Variants in NCKAP5 observed in about 807,000 individuals in gnomAD.
NCKAP5 encodes the protein nck-associated protein 5.
In NCKAP5, 92 loss-of-function variants were observed where a neutral mutation model predicts 167.0. The observed-to-expected ratio is 0.55, with a 90% CI of 0.47 to 0.66. The LOEUF is 0.66. NCKAP5 is among the 30% of genes least tolerant of loss of function. The pLI is 0.00. For synonymous variants in NCKAP5, 891 were observed against 877.4 expected, an observed-to-expected ratio of 1.02 and a Z score of -0.27; for missense variants, 2,378 against 2,315.0, an observed-to-expected ratio of 1.03 and a Z score of -0.56.
chr2:132,709,147 A>AC (rs1223855693), intron 19 of NCKAP5, among the ~76,000 whole-genome samples: 1 of 146,756 alleles, frequency 6.8e-6, no homozygotes. Flanking sequence ...TAATATCTAC[A>AC]CCCCCCCACC....
chr2:133,512,202 T>C (rs1006864418), intron 3 of NCKAP5, among the ~76,000 whole-genome samples: 1 of 152,232 alleles, frequency 6.6e-6, no homozygotes, highest in African/African-American at 2.4e-5. Flanking sequence ...GAACATACTC[T>C]ATGTCAATAT....
At chr2:132,792,210 T>A (rs1482179856) in intron 12 of NCKAP5, among the ~76,000 whole-genome samples, 2 of 152,232 alleles carry the variant, frequency 1.3e-5, no homozygotes, top group Non-Finnish European at 2.9e-5. Context: ...CTTTAAGTGA[T>A]CTAAAAATGC....
At chr2:132,691,803 C>T (rs1344821169) in intron 19 of NCKAP5, among the ~76,000 whole-genome samples, 1 of 152,152 alleles carries the variant, frequency 6.6e-6, no homozygotes, top group Non-Finnish European at 1.5e-5. Context: ...GACATTCCCA[C>T]CCTGCAATAA....
chr2:133,626,137 A>G, the NCKAP5 span, among the ~76,000 whole-genome samples: 6 of 152,324 alleles, frequency 3.9e-5, no homozygotes, highest in African/African-American at 1.2e-4. Context: ...GTTGGAAAGG[A>G]TAGAATTAGA....
intron 6 of NCKAP5, among the ~76,000 whole-genome samples, chr2:133,129,769 A>G (rs939676827): frequency 1.3e-5 from 2 of 152,244 alleles, no homozygotes; most frequent in Non-Finnish European, 2.9e-5. Flanking sequence ...ACCAGTTTCA[A>G]TAAAGCTCAT....
At chr2:133,388,538 G>A (rs1193053314) in intron 3 of NCKAP5, among the ~76,000 whole-genome samples, 4 of 152,184 alleles carry the variant, frequency 2.6e-5, no homozygotes, top group Non-Finnish European at 4.4e-5. Context: ...CCTCCATGCT[G>A]GGAGAACCAC....
the NCKAP5 span, among the ~76,000 whole-genome samples, chr2:133,656,275 A>ACAAAC: frequency 1.3e-4 from 17 of 132,824 alleles, no homozygotes; most frequent in Middle Eastern, 3.8e-3. Context: ...AAACAAACAA[A>ACAAAC]AAAAAAAAAA....
chr2:132,883,205 T>TACACAC (rs3044408), intron 8 of NCKAP5, among the ~76,000 whole-genome samples: 3,266 of 139,726 alleles, frequency 0.023, 86 homozygotes, highest in African/African-American at 0.065. Context: ...CTGACTCAAA[T>TACACAC]ACACACACAC....
chr2:132,749,961 A>G (rs1316614318), intron 16 of NCKAP5, among the ~76,000 whole-genome samples: 2 of 152,166 alleles, frequency 1.3e-5, no homozygotes, highest in African/African-American at 2.4e-5. Context: ...CCTCCCAACA[A>G]TCATGCTCCG....
chr2:132,753,876 C>T (rs560452182), intron 16 of NCKAP5, among the ~76,000 whole-genome samples: 127 of 152,270 alleles, frequency 8.3e-4, no homozygotes, highest in African/African-American at 2.9e-3. Flanking sequence ...CTGCCGGCAG[C>T]CATATCTCTT....
chr2:133,673,071 G>A, the NCKAP5 span, among the ~76,000 whole-genome samples: 2 of 152,128 alleles, frequency 1.3e-5, no homozygotes, highest in Non-Finnish European at 2.9e-5. Flanking sequence ...CCAAAATGAT[G>A]ATGACACCAT....
chr2:133,116,536 C>CAGAA (rs1477862800), intron 6 of NCKAP5, among the ~76,000 whole-genome samples: 1 of 145,644 alleles, frequency 6.9e-6, no homozygotes, highest in Non-Finnish European at 1.5e-5. Context: ...GTCAGTCATG[C>CAGAA]AGAACATACC....
intron 13 of NCKAP5, among the ~76,000 whole-genome samples, chr2:132,788,585 T>C (rs1317856748): frequency 2.0e-5 from 3 of 152,144 alleles, no homozygotes; most frequent in Admixed American, 6.5e-5. Context: ...AATAGGCGAC[T>C]GGGAGCATTA....
At chr2:133,371,493 A>G (rs1184220446) in intron 3 of NCKAP5, among the ~76,000 whole-genome samples, 1 of 152,160 alleles carries the variant, frequency 6.6e-6, no homozygotes, top group Non-Finnish European at 1.5e-5. Flanking sequence ...AGGGGCATGG[A>G]GAGTGTAATG....
chr2:133,441,816 C>T (rs1271300542), intron 3 of NCKAP5, among the ~76,000 whole-genome samples: 1 of 152,154 alleles, frequency 6.6e-6, no homozygotes, highest in South Asian at 2.1e-4. Flanking sequence ...TTAGGCATTT[C>T]CTAAGCGAAC....
At chr2:133,402,104 G>A (rs1177418955) in intron 3 of NCKAP5, among the ~76,000 whole-genome samples, 1 of 152,174 alleles carries the variant, frequency 6.6e-6, no homozygotes, top group African/African-American at 2.4e-5. Flanking sequence ...AGTGGTTTTA[G>A]TTAGGATTTA....
chr2:132,959,965 T>C (rs2076463090), intron 8 of NCKAP5, among the ~76,000 whole-genome samples: 1 of 152,154 alleles, frequency 6.6e-6, no homozygotes, highest in Non-Finnish European at 1.5e-5. Context: ...GACACCAATA[T>C]ACACCAAGTG....
intron 4 of NCKAP5, among the ~76,000 whole-genome samples, chr2:133,214,458 T>A (rs896673246): frequency 6.6e-6 from 1 of 152,234 alleles, no homozygotes; most frequent in African/African-American, 2.4e-5. Flanking sequence ...TTCTTCAGTG[T>A]GTAGGTAATA....
chr2:132,736,624 CAA>C (rs5834330), intron 16 of NCKAP5, among the ~76,000 whole-genome samples: 37 of 140,874 alleles, frequency 2.6e-4, no homozygotes, highest in East Asian at 1.0e-3. Context: ...ACTAAAAATA[CAA>C]AAAAAAAAAA....
Sources: gnomAD v4.1 joint callset for allele counts (sites outside exome capture counted in the v4.1 genomes callset) on GRCh38, gnomAD v4.1.1 for gene constraint, MANE v1.5 for transcripts, NCBI Gene and HGNC (gene_info 2026-07-23, HGNC 2026-07-21) for gene names.